Variants in ZDHHC13 observed in about 807,000 individuals in gnomAD.
The protein encoded by ZDHHC13 is palmitoyltransferase ZDHHC13.
ZDHHC13 carries 85 observed loss-of-function variants against 86.0 expected under a neutral mutation model. The ratio of observed to expected loss-of-function variants is 0.99; its 90% CI spans 0.83 to 1.18. ZDHHC13 has a LOEUF of 1.18. Among genes scored for constraint, ZDHHC13 ranks in the 50% most tolerant of loss-of-function variants. ZDHHC13 has a pLI of 0.00. For missense variants in ZDHHC13, 711 were observed against 730.2 expected (o/e 0.97, Z 0.30); for synonymous variants, 263 against 246.4 (o/e 1.07, Z -0.63).
At chr11:19,124,840 C>T (rs1848838378) in intron 1 of ZDHHC13, among the ~76,000 whole-genome samples, 1 of 152,020 alleles carries the variant, frequency 6.6e-6, no homozygotes, top group Admixed American at 6.6e-5. Flanking sequence ...AAGAAAAAGA[C>T]CGGAATTCAA....
Position 19,172,607 on chromosome 11 carries a change from A to C in ZDHHC13, c.1633-116A>C, listed in dbSNP as rs796660321. Reference sequence around the variant, plus strand: ...ACTTTTTCTTTGTCCCTTTTCAAGGAGATACTAAGGAGAACACACAAATTG... The same window carrying C: ...ACTTTTTCTTTGTCCCTTTTCAAGGCGATACTAAGGAGAACACACAAATTG... On this transcript the variant is annotated intron_variant, in intron 15 of 16. Coordinates refer to ENST00000446113, the MANE Select transcript of ZDHHC13 (RefSeq NM_019028.3). 20 of 670,996 alleles carry C rather than the reference A, an allele frequency of 3.0e-5. 1 individual carries two copies. The African/African-American group carries it at 3.5e-4, about 12-fold the overall frequency. 41.6% of individuals were successfully genotyped at this position (670,996 alleles called of 1,614,324 possible).
Position 19,149,240 on chromosome 11 carries a change from C to G in ZDHHC13, c.428C>G (p.Thr143Ser). The G allele has an allele frequency of 6.2e-7, 1 of 1,606,098 alleles. No individual in the cohort carries two copies. Among genetic ancestry groups the G allele is most frequent in the Non-Finnish European group, 8.5e-7 (1 of 1,175,448 alleles). The stretch of plus-strand genomic sequence containing the variant: ...TTACTCCAGCATGGTGCAGACCCCA[C>G]TCTTATTGATGGAGAGGGATTCAGC... ...ILLLQHGADP[T>S]LIDGEGFSSI... The change falls in exon 5 of 17, where the codon ACT becomes AGT. Residue 143 changes from threonine (T) to serine (S), a missense_variant. Transcript: ENST00000446113.
Position 19,131,317 on chromosome 11 carries a change from T to C in ZDHHC13, c.28-11661T>C, listed in dbSNP as rs559903510. Among the ~76,000 whole-genome samples, 19 of 152,230 alleles carry C rather than the reference T, an allele frequency of 1.2e-4. No individual in the cohort carries two copies. In the East Asian group the frequency reaches 3.7e-3, roughly 29 times the overall value. ...GATTTTAAGATCTCTTTATTACTGATTTTTAGTGATTTGATTATGATATGT... is the reference window on the plus strand; with the variant it reads ...GATTTTAAGATCTCTTTATTACTGACTTTTAGTGATTTGATTATGATATGT... On this transcript the variant is annotated intron_variant, in intron 1 of 16. Coordinates refer to ENST00000446113, the MANE Select transcript of ZDHHC13 (RefSeq NM_019028.3).
At chr11:19,165,922 T>C (rs1166973841) in intron 13 of ZDHHC13, among the ~76,000 whole-genome samples, 1 of 152,204 alleles carries the variant, frequency 6.6e-6, no homozygotes, top group Non-Finnish European at 1.5e-5. Context: ...ATTCCAGAAG[T>C]TGCACTTTTA....
At chr11:19,153,020 T>C (rs889893579) in intron 8 of ZDHHC13, among the ~76,000 whole-genome samples, 1 of 152,180 alleles carries the variant, frequency 6.6e-6, no homozygotes, top group East Asian at 1.9e-4. Flanking sequence ...AGGAGTTTTA[T>C]AGAAGCTTGT....
Position 19,175,947 on chromosome 11 carries a change from T to C in ZDHHC13, c.1856T>C (p.Leu619Pro), listed in dbSNP as rs1850353481. 8 of 1,609,414 alleles carry C rather than the reference T, an allele frequency of 5.0e-6. No individual in the cohort carries two copies. Among genetic ancestry groups the C allele is most frequent in the Non-Finnish European group, 6.8e-6 (8 of 1,178,476 alleles). ...MVFHPAREKVLRSV is the reference protein window; with the variant it reads ...MVFHPAREKVPRSV ...TTTCACCCAGCCAGGGAGAAGGTTC[T>C]TCGCTCAGTATGAAGAAAAGCAACC... The change falls in exon 17 of 17, where the codon CTT (leucine) becomes CCT (proline). Residue 619 changes from leucine to proline, a missense_variant. Physicochemically the swap from Leu to Pro is moderately conservative, Grantham distance 98. Coordinates refer to ENST00000446113, the MANE Select transcript of ZDHHC13 (RefSeq NM_019028.3).
intron 1 of ZDHHC13, among the ~76,000 whole-genome samples, chr11:19,129,410 G>T (rs1220582448): frequency 6.6e-6 from 1 of 152,076 alleles, no homozygotes; most frequent in African/African-American, 2.4e-5. Context: ...TTATTCGATT[G>T]AGGAGGTTCC....
At position 19,117,270 on chromosome 11, in the gene ZDHHC13, C is replaced by A; in HGVS notation, c.21C>A (p.Gly7=). 1 of 1,488,962 alleles carries A rather than the reference C, an allele frequency of 6.7e-7. No homozygotes were observed. The allele number at this position is 1,488,962 out of a possible 1,614,324, so 92.2% of individuals were successfully genotyped here. The change falls in exon 1 of 17, where the codon GGC becomes GGA. Residue 7 remains glycine (G), a synonymous_variant. Transcript: ENST00000446113. This position sits in a 1 kb window ranked among gnomAD's most constrained non-coding sequence, Gnocchi z 4.2. MEGPGL[G]SQCRNHSHGP... is the part of the protein sequence containing the mutation. The stretch of plus-strand genomic sequence containing the variant: ...GGGAGATGGAGGGGCCGGGGCTGGG[C>A]TCGCAGGTGAGTGCGGCCGGGCGGT...
intron 6 of ZDHHC13, among the ~76,000 whole-genome samples, chr11:19,151,556 T>G (rs1027249276): frequency 1.1e-4 from 16 of 152,042 alleles, no homozygotes; most frequent in Non-Finnish European, 2.4e-4. Context: ...TCAGGTATAA[T>G]CTCTATAAAG....
At chr11:19,163,007 C>A (rs1262493843) in intron 10 of ZDHHC13, among the ~76,000 whole-genome samples, 2 of 152,044 alleles carry the variant, frequency 1.3e-5, no homozygotes, top group African/African-American at 2.4e-5. Context: ...ACAATTACAC[C>A]ATTAGAGATA....
Position 19,147,665 on chromosome 11 carries a change from G to A in ZDHHC13, c.366G>A (p.Trp122Ter). Reference sequence around the variant, plus strand: ...ATTTAAATTCAACTCCTCTTCACTGGGCCATCCGGTAAGGTTTCTTTGAAC... The same window carrying A: ...ATTTAAATTCAACTCCTCTTCACTGAGCCATCCGGTAAGGTTTCTTTGAAC... ...GGDLNSTPLH[W>*]AIRQGHLPMV... is the part of the protein sequence containing the mutation. Residue 122 changes from tryptophan to a stop codon, truncating the protein, a stop_gained, in exon 4 of 17, where the codon TGG (tryptophan) becomes TGA (stop). Coordinates refer to ENST00000446113, the MANE Select transcript of ZDHHC13 (RefSeq NM_019028.3). LOFTEE classifies it high-confidence loss of function. The A allele has an allele frequency of 6.3e-7, 1 of 1,598,582 alleles. No homozygotes were observed. The highest frequency in any genetic ancestry group is 8.5e-7 in the Non-Finnish European group (1 of 1,171,834).
intron 16 of ZDHHC13, among the ~76,000 whole-genome samples, chr11:19,174,029 C>T (rs1162388462): frequency 6.6e-6 from 1 of 152,208 alleles, no homozygotes; most frequent in African/African-American, 2.4e-5. Flanking sequence ...TTACTCAGTA[C>T]AGTAGTCACC....
At chr11:19,154,659 G>C (rs915969681) in intron 8 of ZDHHC13, among the ~76,000 whole-genome samples, 1 of 152,106 alleles carries the variant, frequency 6.6e-6, no homozygotes, top group Admixed American at 6.5e-5. Flanking sequence ...TGAATTAGTA[G>C]CATCATGAGG....
intron 1 of ZDHHC13, among the ~76,000 whole-genome samples, chr11:19,132,620 ATC>A (rs1849026773): frequency 6.6e-6 from 1 of 152,092 alleles, no homozygotes; most frequent in Non-Finnish European, 1.5e-5. Flanking sequence ...ACTGCCAGCT[ATC>A]TCAGCCTCTC....
chr11:19,169,998 T>C, intron 14 of ZDHHC13: 3 of 1,003,926 alleles, frequency 3.0e-6, no homozygotes, highest in South Asian at 8.7e-5. Context: ...CCCACAGCAA[T>C]GGCCTGTTCA....
chr11:19,164,603 T>C (rs1254132371), intron 12 of ZDHHC13: 4 of 532,970 alleles, frequency 7.5e-6, no homozygotes, highest in Non-Finnish European at 1.3e-5. Flanking sequence ...GTGTTTTATT[T>C]GCTTTTCTCT....
chr11:19,165,188 T>C, intron 13 of ZDHHC13, 43 bp downstream of exon 13: 1 of 1,554,806 alleles, frequency 6.4e-7, no homozygotes, highest in South Asian at 1.2e-5. Context: ...AAGTTAAGCA[T>C]ATGTTTAGTT....
chr11:19,170,559 A>T lies in ZDHHC13; in HGVS notation c.1623A>T (p.Gln541His), dbSNP rs768437833. 8 of 1,521,618 alleles carry T rather than the reference A, an allele frequency of 5.3e-6. No homozygotes were observed. Among genetic ancestry groups the T allele is most frequent in the Non-Finnish European group, 7.0e-6 (8 of 1,139,794 alleles). 94.3% of individuals were successfully genotyped at this position (1,521,618 alleles called of 1,614,324 possible). Residue 541 changes from glutamine to histidine, a missense_variant, in exon 15 of 17, where the codon CAA (glutamine) becomes CAT (histidine). Physicochemically the swap from Gln to His is conservative, Grantham distance 24 (BLOSUM62 0). Coordinates refer to ENST00000446113, the MANE Select transcript of ZDHHC13 (RefSeq NM_019028.3). ...GGTCAACATTTTTATTATTAAATCA[A>T]CTCTTTCAGGTATTTATTTCTCTTC... is the stretch of plus-strand genomic sequence containing the variant. ...FSWSTFLLLN[Q>H]LFQIAFLGLT...
At chr11:19,175,024 A>C (rs1162276940) in intron 16 of ZDHHC13, among the ~76,000 whole-genome samples, 1 of 152,140 alleles carries the variant, frequency 6.6e-6, no homozygotes, top group Non-Finnish European at 1.5e-5. Flanking sequence ...TTTTTGGAGG[A>C]CAACAGTCTG....
Sources: gnomAD v4.1 joint callset for allele counts (sites outside exome capture counted in the v4.1 genomes callset) on GRCh38, gnomAD v4.1.1 for gene constraint, Gnocchi (gnomAD v3.1) non-coding constraint, MANE v1.5 for transcripts, NCBI Gene and HGNC (gene_info 2026-07-23, HGNC 2026-07-21) for gene names.